Variants in ZNF407 observed in about 807,000 individuals in gnomAD.
The protein encoded by ZNF407 is zinc finger protein 407.
Under a neutral mutation model 131.2 loss-of-function variants are expected in ZNF407, and 17 were observed. That is an observed-to-expected ratio of 0.13 (90% CI 0.09 to 0.19). The LOEUF (loss-of-function observed/expected upper bound fraction) is 0.19. Among genes scored for constraint, ZNF407 ranks in the 10% least tolerant of loss-of-function variants. The pLI, the probability that ZNF407 is intolerant of heterozygous loss-of-function variation, is 1.00. For missense variants in ZNF407, 2,681 were observed against 2,830.6 expected (o/e 0.95, Z 1.20); for synonymous variants, 1,156 against 1,062.0 (o/e 1.09, Z -1.72).
chr18:75,053,215 C>A (rs544169145), intron 8 of ZNF407, among the ~76,000 whole-genome samples: 57 of 152,300 alleles, frequency 3.7e-4, no homozygotes, highest in African/African-American at 1.3e-3. Flanking sequence ...CACAGTGAGG[C>A]CTTAGTGCCG....
chr18:74,867,420 T>C (rs1971028576), intron 4 of ZNF407, among the ~76,000 whole-genome samples: 2 of 152,224 alleles, frequency 1.3e-5, no homozygotes, highest in South Asian at 4.1e-4. Context: ...TGATGTGGAC[T>C]ATAATGCAAA....
chr18:74,849,052 C>CTTTTTTTTTTTTTTTT (rs35529971), intron 4 of ZNF407, among the ~76,000 whole-genome samples: 6 of 122,908 alleles, frequency 4.9e-5, no homozygotes, highest in Admixed American at 8.8e-5. Context: ...ACTTTTGTTT[C>CTTTTTTTTTTTTTTTT]TTTTTTTTTT....
At chr18:74,674,632 G>A (rs889786217) in intron 3 of ZNF407, among the ~76,000 whole-genome samples, 1 of 152,172 alleles carries the variant, frequency 6.6e-6, no homozygotes, top group East Asian at 1.9e-4. Context: ...TACCTAACTT[G>A]TAAATGTTGA....
At chr18:74,668,755 A>G (rs564304147) in intron 3 of ZNF407, among the ~76,000 whole-genome samples, 5 of 152,086 alleles carry the variant, frequency 3.3e-5, no homozygotes, top group African/African-American at 1.2e-4. Context: ...TTTCATGTTG[A>G]TTTCTCTGCA....
intron 8 of ZNF407, among the ~76,000 whole-genome samples, chr18:74,953,483 C>A (rs1359575604): frequency 1.3e-5 from 2 of 152,102 alleles, no homozygotes; most frequent in African/African-American, 2.4e-5. Flanking sequence ...CCTTAGTCGC[C>A]TTAACTTGGA....
chr18:74,937,589 G>C, intron 8 of ZNF407, among the ~76,000 whole-genome samples: 1 of 152,152 alleles, frequency 6.6e-6, no homozygotes. Flanking sequence ...TACAGAATAA[G>C]GGATTTATTG....
At chr18:74,847,852 CA>C (rs796557554) in intron 4 of ZNF407, among the ~76,000 whole-genome samples, 2,373 of 123,020 alleles carry the variant, frequency 0.019, 61 homozygotes, top group African/African-American at 0.061. Context: ...AGGTAAAATA[CA>C]AAAAAAAAAA....
intron 8 of ZNF407, among the ~76,000 whole-genome samples, chr18:74,978,382 C>T (rs994277467): frequency 6.6e-6 from 1 of 151,634 alleles, no homozygotes; most frequent in African/African-American, 2.4e-5. Flanking sequence ...AGAGGGGTAA[C>T]GTAATTAGAT....
intron 3 of ZNF407, among the ~76,000 whole-genome samples, chr18:74,662,974 T>C (rs1985777125): frequency 1.3e-5 from 2 of 152,232 alleles, no homozygotes; most frequent in Admixed American, 1.3e-4. Context: ...CTGTAACATC[T>C]ACATTCTTGT....
rs569202619 is a variant in ZNF407 at position 74,877,191 on chromosome 18, A to C, written c.4878-6A>C. Reference sequence around the variant, plus strand: ...ATTTATATTGTTTTCTCTCTCCTTCATGCAGGAAATTTACATGCCACTTAT... The same window carrying C: ...ATTTATATTGTTTTCTCTCTCCTTCCTGCAGGAAATTTACATGCCACTTAT... On this transcript the variant is annotated splice_region_variant and splice_polypyrimidine_tract_variant and intron_variant, in intron 4 of 8. Coordinates refer to ENST00000299687, the MANE Select transcript of ZNF407 (RefSeq NM_017757.3). The C allele has an allele frequency of 6.2e-7, 1 of 1,613,716 alleles. No homozygotes were observed. The highest frequency in any genetic ancestry group is 1.3e-5 in the African/African-American group (1 of 75,062).
At chr18:74,831,742 C>T (rs1352121547) in intron 4 of ZNF407, among the ~76,000 whole-genome samples, 1 of 152,186 alleles carries the variant, frequency 6.6e-6, no homozygotes, top group African/African-American at 2.4e-5. Flanking sequence ...ACGTGTCCCC[C>T]TCACCCCTGC....
chr18:74,607,380 C>G (rs1490022021), intron 1 of ZNF407, among the ~76,000 whole-genome samples: 2 of 152,084 alleles, frequency 1.3e-5, no homozygotes, highest in Non-Finnish European at 2.9e-5. Context: ...AGTAAACCTT[C>G]CCAGGTTTAT....
chr18:74,805,955 T>C (rs1970102727), intron 4 of ZNF407, among the ~76,000 whole-genome samples: 1 of 152,244 alleles, frequency 6.6e-6, no homozygotes, highest in Admixed American at 6.5e-5. Flanking sequence ...GGATGTATAT[T>C]CTACAGACTT....
intron 8 of ZNF407, among the ~76,000 whole-genome samples, chr18:75,026,947 T>C (rs1472619625): frequency 2.0e-5 from 3 of 152,188 alleles, no homozygotes; most frequent in Non-Finnish European, 4.4e-5. Flanking sequence ...GTAAACACTG[T>C]CATCCTGCCC....
At chr18:75,020,498 G>A (rs367985260) in intron 8 of ZNF407, among the ~76,000 whole-genome samples, 2 of 152,046 alleles carry the variant, frequency 1.3e-5, no homozygotes, top group African/African-American at 2.4e-5. Context: ...TTCTCCTATC[G>A]GAAGAAGGAA....
At chr18:74,994,792 G>A (rs1972760945) in intron 8 of ZNF407, among the ~76,000 whole-genome samples, 2 of 152,222 alleles carry the variant, frequency 1.3e-5, no homozygotes, top group Admixed American at 6.5e-5. Context: ...GAGGGCACTC[G>A]TGGGCAGTGA....
At chr18:74,958,782 G>A (rs971135168) in intron 8 of ZNF407, among the ~76,000 whole-genome samples, 2 of 152,214 alleles carry the variant, frequency 1.3e-5, no homozygotes, top group African/African-American at 4.8e-5. Flanking sequence ...GCATGTGACA[G>A]TAGGGTCTGA....
At chr18:74,909,724 G>T (rs1161499245) in intron 7 of ZNF407, among the ~76,000 whole-genome samples, 1 of 151,890 alleles carries the variant, frequency 6.6e-6, no homozygotes, top group East Asian at 1.9e-4. Flanking sequence ...TTGGAGAAGG[G>T]TTTTATAAAC....
intron 3 of ZNF407, among the ~76,000 whole-genome samples, chr18:74,680,010 A>G (rs971895340): frequency 5.3e-5 from 8 of 152,168 alleles, no homozygotes; most frequent in African/African-American, 1.4e-4. Context: ...TACGTGTACA[A>G]TGTAGTTGAG....
Sources: gnomAD v4.1 joint callset for allele counts (sites outside exome capture counted in the v4.1 genomes callset) on GRCh38, gnomAD v4.1.1 for gene constraint, MANE v1.5 for transcripts, NCBI Gene and HGNC (gene_info 2026-07-23, HGNC 2026-07-21) for gene names.